ZC3H12B: variants seen among roughly 807,000 people sequenced by gnomAD.
ZC3H12B encodes zinc finger CCCH-type containing 12B, also known as probable ribonuclease ZC3H12B.
ZC3H12B carries 7 observed loss-of-function variants against 43.9 expected under a neutral mutation model. The ratio of observed to expected loss-of-function variants is 0.16; its 90% CI spans 0.09 to 0.30. The LOEUF is 0.30. Among genes scored for constraint, ZC3H12B ranks in the 10% least tolerant of loss-of-function variants. ZC3H12B has a pLI of 1.00. For synonymous variants in ZC3H12B, 222 were observed against 241.7 expected (o/e 0.92, Z 0.76); for missense variants, 475 against 670.2 (o/e 0.71, Z 3.22).
the ZC3H12B span, among the ~76,000 whole-genome samples, chrX:65,211,590 A>T: frequency 8.9e-5 from 9 of 101,054 alleles, no homozygotes; most frequent in Non-Finnish European, 1.6e-4. Flanking sequence ...CTAGTAATTG[A>T]TAGAGTTGGA....
At chrX:65,341,060 C>T in the ZC3H12B span, among the ~76,000 whole-genome samples, 38 of 111,842 alleles carry the variant, frequency 3.4e-4, 1 homozygote, top group South Asian at 0.014. Context: ...TTTTATAATG[C>T]AATCAAAAGT....
the ZC3H12B span, among the ~76,000 whole-genome samples, chrX:65,119,946 C>A: frequency 9.0e-6 from 1 of 111,622 alleles, no homozygotes; most frequent in Admixed American, 9.5e-5. Context: ...TGTCAAAGAT[C>A]AGATGGTTGT....
chrX:65,407,566 A>G (rs2066846954), intron 3 of ZC3H12B, among the ~76,000 whole-genome samples: 1 of 113,365 alleles, frequency 8.8e-6, no homozygotes, highest in Non-Finnish European at 1.9e-5. Context: ...GTGTGGGGTT[A>G]GCGGGGGCCG....
the ZC3H12B span, among the ~76,000 whole-genome samples, chrX:65,264,045 G>A: frequency 8.1e-5 from 9 of 111,544 alleles, no homozygotes; most frequent in African/African-American, 2.9e-4. Context: ...ATTATTCTAA[G>A]TGAAGTAACT....
chrX:65,294,626 C>G, the ZC3H12B span, among the ~76,000 whole-genome samples: 1 of 111,470 alleles, frequency 9.0e-6, no homozygotes, highest in Non-Finnish European at 1.9e-5. Flanking sequence ...CATAAGGACT[C>G]ACATAAAGTT....
the ZC3H12B span, among the ~76,000 whole-genome samples, chrX:65,318,635 G>A: frequency 2.7e-5 from 3 of 110,798 alleles, no homozygotes; most frequent in Middle Eastern, 4.3e-3. Flanking sequence ...GACCAGGCTC[G>A]TCTTGAACTC....
At chrX:65,203,606 G>C in the ZC3H12B span, among the ~76,000 whole-genome samples, 2 of 109,489 alleles carry the variant, frequency 1.8e-5, no homozygotes, top group Non-Finnish European at 3.8e-5. Context: ...TATCCAAGTT[G>C]CAAGACAAAG....
the ZC3H12B span, among the ~76,000 whole-genome samples, chrX:65,244,514 G>T: frequency 5.5e-5 from 6 of 108,534 alleles, no homozygotes; most frequent in Non-Finnish European, 9.5e-5. Flanking sequence ...GGAGGCTGAG[G>T]CAGAAGGATC....
the ZC3H12B span, among the ~76,000 whole-genome samples, chrX:65,160,836 C>A: frequency 1.8e-5 from 2 of 111,195 alleles, no homozygotes; most frequent in South Asian, 3.8e-4. Flanking sequence ...TTTTCTAGTT[C>A]TTTTAATTGT....
At chrX:65,095,565 C>G in the ZC3H12B span, among the ~76,000 whole-genome samples, 1 of 111,434 alleles carries the variant, frequency 9.0e-6, no homozygotes. Context: ...ACAAAGAACT[C>G]TGCTTGGTTC....
chrX:65,328,940 A>G, the ZC3H12B span, among the ~76,000 whole-genome samples: 7 of 109,105 alleles, frequency 6.4e-5, no homozygotes, highest in Non-Finnish European at 1.3e-4. Flanking sequence ...CCTTAATCCA[A>G]TCTATCATTG....
At chrX:65,329,391 G>A in the ZC3H12B span, among the ~76,000 whole-genome samples, 1 of 109,213 alleles carries the variant, frequency 9.2e-6, no homozygotes, top group Admixed American at 9.6e-5. Context: ...CTTTTTGATG[G>A]GGTTGTTTGT....
At chrX:65,378,568 C>G (rs191868428) in intron 2 of ZC3H12B, among the ~76,000 whole-genome samples, 1 of 112,072 alleles carries the variant, frequency 8.9e-6, no homozygotes, top group East Asian at 2.8e-4. Context: ...ACAAAACAAC[C>G]AGGAAACACA....
At chrX:65,433,357 T>C (rs1345176034) in intron 3 of ZC3H12B, among the ~76,000 whole-genome samples, 2 of 112,063 alleles carry the variant, frequency 1.8e-5, no homozygotes, top group African/African-American at 3.2e-5. Flanking sequence ...GTGCTTTTGG[T>C]TTACTATTAT....
chrX:65,399,682 A>G (rs1374716448), intron 3 of ZC3H12B, among the ~76,000 whole-genome samples: 2 of 112,284 alleles, frequency 1.8e-5, no homozygotes, highest in Non-Finnish European at 3.8e-5. Flanking sequence ...ACTGTTAGAT[A>G]TATACCCAAA....
intron 2 of ZC3H12B, among the ~76,000 whole-genome samples, chrX:65,392,182 G>A (rs369647463): frequency 1.8e-5 from 2 of 111,413 alleles, no homozygotes; most frequent in African/African-American, 3.3e-5. Context: ...CTGCCTGGCC[G>A]CCACCCCGTC....
the ZC3H12B span, among the ~76,000 whole-genome samples, chrX:65,103,785 G>T: frequency 1.8e-5 from 2 of 111,644 alleles, no homozygotes; most frequent in African/African-American, 6.5e-5. Context: ...CAAACAAATG[G>T]AAAAGCATTC....
chrX:65,496,995 AAGAAAGAAAGAG>A (rs1287719806), intron 1 of ZC3H12B, 125 bp from the exon 7 acceptor site: 2 of 530,490 alleles, frequency 3.8e-6, no homozygotes, highest in Non-Finnish European at 5.6e-6. Flanking sequence ...AAGCAAAAGG[AAGAAAGAAAGAG>A]AGAAAGAAAG....
intron 1 of ZC3H12B, among the ~76,000 whole-genome samples, chrX:65,492,417 C>T (rs2068219049): frequency 8.9e-6 from 1 of 112,008 alleles, no homozygotes; most frequent in Admixed American, 9.5e-5. Context: ...ACTTTGATCT[C>T]CTGTATGAGT....
Sources: gnomAD v4.1 joint callset for allele counts (sites outside exome capture counted in the v4.1 genomes callset) on GRCh38, gnomAD v4.1.1 for gene constraint, MANE v1.5 for transcripts, NCBI Gene and HGNC (gene_info 2026-07-23, HGNC 2026-07-21) for gene names.